RSBN1L: variants seen among roughly 807,000 people sequenced by gnomAD.
The protein encoded by RSBN1L is round spermatid basic protein 1 like.
A neutral mutation model predicts 67.7 loss-of-function variants in RSBN1L; 30 were observed. That is an observed-to-expected ratio of 0.44 (90% CI 0.33 to 0.60). The LOEUF (loss-of-function observed/expected upper bound fraction) is 0.60, where lower values mean the gene tolerates loss of function less well. Ranked by LOEUF, RSBN1L falls within the 20% of genes least tolerant of loss-of-function variation. RSBN1L has a pLI of 0.02. For synonymous variants in RSBN1L, 433 were observed against 387.0 expected (o/e 1.12, Z -1.39); for missense variants, 992 against 1,031.7 (o/e 0.96, Z 0.53).
rs1345782053 is a variant in RSBN1L at position 77,779,776 on chromosome 7, T to A, written c.*608T>A. ...GTATTGTAGTGCAAATGTACGTAAT[T>A]CAAATCTAGTAAATATTTAAGTTCC... On this transcript the variant is annotated 3_prime_UTR_variant, in exon 8 of 8. Transcript: ENST00000334955. The A allele has an allele frequency of 6.6e-6, 1 of 151,994 alleles. No homozygotes were observed. Among genetic ancestry groups the A allele is most frequent in the African/African-American group, 2.4e-5 (1 of 41,368 alleles). The allele number at this position is 151,994 out of a possible 1,614,324, so 9.4% of individuals were successfully genotyped here. A position where few individuals can be genotyped will look rare whatever the true frequency, so the allele number is the denominator to read the frequency against.
At chr7:77,770,556 G>A (rs1316291349) in intron 5 of RSBN1L, among the ~76,000 whole-genome samples, 9 of 151,852 alleles carry the variant, frequency 5.9e-5, no homozygotes, top group African/African-American at 1.9e-4. Context: ...GGTGGTACAT[G>A]CCCGTAGCCC....
At chr7:77,776,959 C>T (rs561385994) in intron 6 of RSBN1L, among the ~76,000 whole-genome samples, 5 of 151,052 alleles carry the variant, frequency 3.3e-5, no homozygotes, top group African/African-American at 1.2e-4. Flanking sequence ...TTCCAATTTG[C>T]TTCTTTATTC....
intron 2 of RSBN1L, among the ~76,000 whole-genome samples, chr7:77,741,281 C>G (rs1453525787): frequency 6.6e-6 from 1 of 152,004 alleles, no homozygotes; most frequent in Non-Finnish European, 1.5e-5. Flanking sequence ...GCCACTGCAC[C>G]TGGCCACCAT....
intron 1 of RSBN1L, among the ~76,000 whole-genome samples, chr7:77,701,728 T>C (rs1272700847): frequency 6.6e-6 from 1 of 151,346 alleles, no homozygotes; most frequent in Non-Finnish European, 1.5e-5. Flanking sequence ...CTTGGCTCAC[T>C]GCAGTCTCTG....
chr7:77,772,998 G>T (rs923609571), intron 5 of RSBN1L, 149 bp from the exon 6 acceptor site: 23 of 497,762 alleles, frequency 4.6e-5, no homozygotes, highest in Non-Finnish European at 8.2e-5. Flanking sequence ...TATCGTATTT[G>T]TGTTTTTGTT....
At position 77,776,827 on chromosome 7, in the gene RSBN1L, T is replaced by C. The variant is rs143281054; in HGVS notation, c.1794-1511T>C. On this transcript the variant is annotated intron_variant, in intron 6 of 7. Coordinates refer to ENST00000334955, the MANE Select transcript of RSBN1L (RefSeq NM_198467.3). ...TTGTTACATGTAGATAGATATCATA[T>C]AGTTGGGTCTTACCTTTTTTTTAAT... Among the ~76,000 whole-genome samples the C allele has an allele frequency of 7.3e-4, 111 of 152,226 alleles. 4 individuals are homozygous for C. In the East Asian group the frequency reaches 0.019, roughly 26 times the overall value.
Position 77,779,183 on chromosome 7 carries a change from T to C in RSBN1L, c.*15T>C, listed in dbSNP as rs1791961210. The stretch of plus-strand genomic sequence containing the variant: ...TTTTGTGCTAAATTTGCATATACCA[T>C]CTAAAATCCTTTTTTAAAAAAATTT... On this transcript the variant is annotated 3_prime_UTR_variant, in exon 8 of 8. Transcript: ENST00000334955. 6.5e-7 allele frequency: 1 copy of C among 1,532,782 alleles called. No homozygotes were observed. Among genetic ancestry groups the C allele is most frequent in the South Asian group, 1.3e-5 (1 of 79,384 alleles). 94.9% of individuals were successfully genotyped at this position (1,532,782 alleles called of 1,614,324 possible). A position where few individuals can be genotyped will look rare whatever the true frequency, so the allele number is the denominator to read the frequency against.
At chr7:77,766,219 A>G (rs556220716) in intron 4 of RSBN1L, among the ~76,000 whole-genome samples, 3 of 152,322 alleles carry the variant, frequency 2.0e-5, no homozygotes, top group South Asian at 4.1e-4. Context: ...TTTTTGAGAC[A>G]GCCTCACTCT....
intron 1 of RSBN1L, among the ~76,000 whole-genome samples, chr7:77,697,622 T>C (rs920028621): frequency 6.6e-6 from 1 of 152,114 alleles, no homozygotes; most frequent in African/African-American, 2.4e-5. Flanking sequence ...TAAGGTACCC[T>C]CCCTGCACCC....
chr7:77,739,570 G>A (rs962671927), intron 2 of RSBN1L, among the ~76,000 whole-genome samples: 9 of 150,740 alleles, frequency 6.0e-5, no homozygotes, highest in African/African-American at 1.7e-4. Context: ...AAAATTAGCC[G>A]GGCGTGGTGG....
intron 1 of RSBN1L, among the ~76,000 whole-genome samples, chr7:77,711,608 A>G (rs950314948): frequency 1.3e-5 from 2 of 152,156 alleles, no homozygotes; most frequent in African/African-American, 4.8e-5. Context: ...CTCTGAAAGT[A>G]CTAGGATTAC....
At chr7:77,737,510 T>C (rs1224421888) in intron 2 of RSBN1L, among the ~76,000 whole-genome samples, 1 of 152,242 alleles carries the variant, frequency 6.6e-6, no homozygotes, top group Non-Finnish European at 1.5e-5. Flanking sequence ...ATTATCTACA[T>C]GTCAGAACTT....
At chr7:77,775,689 T>C (rs964154473) in intron 6 of RSBN1L, among the ~76,000 whole-genome samples, 2 of 152,226 alleles carry the variant, frequency 1.3e-5, no homozygotes, top group African/African-American at 2.4e-5. Flanking sequence ...TCTGTATGAT[T>C]TTAGTGCTTC....
intron 2 of RSBN1L, among the ~76,000 whole-genome samples, chr7:77,738,190 T>G (rs1242868418): frequency 6.6e-6 from 1 of 152,202 alleles, no homozygotes; most frequent in East Asian, 1.9e-4. Flanking sequence ...AAATACTTTA[T>G]AAAAGCCTCA....
rs916336609 is a variant in RSBN1L at position 77,781,295 on chromosome 7, G to C, written c.*2127G>C. On this transcript the variant is annotated 3_prime_UTR_variant, in exon 8 of 8. Transcript: ENST00000334955. ...TAAGGGTTTTGTTTTATATGTCATT[G>C]TCTTACCATGCTCCCCACCTATTTA... 6.6e-6 allele frequency: 1 copy of C among 152,184 alleles called. No homozygotes were observed. Among genetic ancestry groups the C allele is most frequent in the African/African-American group, 2.4e-5 (1 of 41,450 alleles). The allele number at this position is 152,184 out of a possible 1,614,324, so 9.4% of individuals were successfully genotyped here.
chr7:77,743,549 A>G (rs977565727), intron 2 of RSBN1L, among the ~76,000 whole-genome samples: 1 of 131,508 alleles, frequency 7.6e-6, no homozygotes, highest in Non-Finnish European at 1.6e-5. Flanking sequence ...CTTTTGGTTT[A>G]TCTTCATGCC....
At position 77,781,241 on chromosome 7, in the gene RSBN1L, T is replaced by C. The variant is rs1791993897; in HGVS notation, c.*2073T>C. 6.6e-6 allele frequency: 1 copy of C among 152,236 alleles called. No homozygotes were observed. The highest frequency in any genetic ancestry group is 2.4e-5 in the African/African-American group (1 of 41,472). 9.4% of individuals were successfully genotyped at this position (152,236 alleles called of 1,614,324 possible). A position where few individuals can be genotyped will look rare whatever the true frequency, so the allele number is the denominator to read the frequency against. ...AGTGTTTGCAACGTAGGAAGTTTCA[T>C]GGGATAGGGAAGGTATAAATCAAGA... On this transcript the variant is annotated 3_prime_UTR_variant, in exon 8 of 8. Coordinates refer to ENST00000334955, the MANE Select transcript of RSBN1L (RefSeq NM_198467.3).
At chr7:77,758,330 A>G (rs1791648977) in intron 3 of RSBN1L, among the ~76,000 whole-genome samples, 2 of 152,132 alleles carry the variant, frequency 1.3e-5, no homozygotes, top group South Asian at 4.1e-4. Context: ...TGCTCGGCCT[A>G]TTTAAAAAAT....
intron 2 of RSBN1L, among the ~76,000 whole-genome samples, chr7:77,737,962 G>T (rs1212348805): frequency 4.6e-5 from 7 of 151,626 alleles, no homozygotes; most frequent in African/African-American, 1.5e-4. Flanking sequence ...ACAAGAGGTT[G>T]CAGTGAGCTG....
Sources: gnomAD v4.1 joint callset for allele counts (sites outside exome capture counted in the v4.1 genomes callset) on GRCh38, gnomAD v4.1.1 for gene constraint, MANE v1.5 for transcripts, NCBI Gene and HGNC (gene_info 2026-07-23, HGNC 2026-07-21) for gene names.